RUNX1: variants seen among roughly 807,000 people sequenced by gnomAD.
RUNX1 encodes the protein RUNX family transcription factor 1, also known as runt-related transcription factor 1.
A neutral mutation model predicts 42.8 loss-of-function variants in RUNX1; 19 were observed. The ratio of observed to expected loss-of-function variants is 0.44; its 90% CI spans 0.31 to 0.65. RUNX1 has a LOEUF of 0.65. Ranked by LOEUF, RUNX1 falls within the 30% of genes least tolerant of loss-of-function variation. RUNX1 has a pLI of 0.07. For missense variants in RUNX1, 528 were observed against 672.0 expected (o/e 0.79, Z 2.37); for synonymous variants, 271 against 289.4 (o/e 0.94, Z 0.64).
intron 2 of RUNX1, chr21:35,038,306 C>A: frequency 3.1e-6 from 1 of 320,938 alleles, no homozygotes; most frequent in South Asian, 2.5e-5. Flanking sequence ...TTCCTCCTGG[C>A]CTCCCTATCA....
At chr21:34,836,378 T>A (rs566917505) in intron 6 of RUNX1, among the ~76,000 whole-genome samples, 104 of 152,324 alleles carry the variant, frequency 6.8e-4, no homozygotes, top group African/African-American at 2.4e-3. Context: ...ATGTCTTTTT[T>A]CTAGAGCGCT....
intron 7 of RUNX1, among the ~76,000 whole-genome samples, chr21:34,800,257 C>T (rs1217393785): frequency 2.6e-5 from 4 of 152,256 alleles, no homozygotes; most frequent in Middle Eastern, 3.4e-3. Flanking sequence ...TTGACTCCAG[C>T]GTTCAAAGGA....
intron 2 of RUNX1, among the ~76,000 whole-genome samples, chr21:34,952,354 C>T (rs959660604): frequency 4.6e-5 from 7 of 151,876 alleles, no homozygotes; most frequent in South Asian, 2.1e-4. Context: ...ACATTCTGCA[C>T]ATGTACCCTA....
At chr21:34,923,896 A>ACAGC (rs2058373018) in intron 2 of RUNX1, among the ~76,000 whole-genome samples, 1 of 151,972 alleles carries the variant, frequency 6.6e-6, no homozygotes, top group Non-Finnish European at 1.5e-5. Context: ...TCTCGCGTTA[A>ACAGC]AATCTGAACA....
intron 6 of RUNX1, among the ~76,000 whole-genome samples, chr21:34,841,924 A>G (rs1216740242): frequency 6.6e-6 from 1 of 152,224 alleles, no homozygotes; most frequent in Non-Finnish European, 1.5e-5. Context: ...CTACAAAGAC[A>G]GGGATTTTGT....
At position 34,875,460 on chromosome 21, in the gene RUNX1, A is replaced by G. The variant is rs2057800961; in HGVS notation, c.508+5097T>C. On this transcript the variant is annotated intron_variant, in intron 5 of 8. Coordinates refer to ENST00000675419, the MANE Select transcript of RUNX1 (RefSeq NM_001754.5). Reference sequence around the variant, plus strand: ...GCAATGAGATCTGAATACAGATTTCAGTATATATATTATTTTAAAGTGTAG... The same window carrying G: ...GCAATGAGATCTGAATACAGATTTCGGTATATATATTATTTTAAAGTGTAG... Among the ~76,000 whole-genome samples, 4 of 152,322 alleles carry G rather than the reference A, an allele frequency of 2.6e-5. No homozygotes were observed. The South Asian group carries it at 8.3e-4, about 32-fold the overall frequency.
intron 2 of RUNX1, among the ~76,000 whole-genome samples, chr21:34,909,536 T>C (rs2058254073): frequency 1.4e-5 from 2 of 141,002 alleles, no homozygotes; most frequent in South Asian, 4.3e-4. Context: ...AGCTCACATG[T>C]GGCTACAAAC....
At chr21:34,885,170 C>G (rs868621232) in intron 4 of RUNX1, among the ~76,000 whole-genome samples, 1 of 152,070 alleles carries the variant, frequency 6.6e-6, no homozygotes, top group Non-Finnish European at 1.5e-5. Context: ...ATTTCCCCCC[C>G]AAAAGGAAGC....
At chr21:34,793,025 G>A (rs2056471555) in intron 8 of RUNX1, among the ~76,000 whole-genome samples, 1 of 151,826 alleles carries the variant, frequency 6.6e-6, no homozygotes, top group Admixed American at 6.6e-5. Context: ...AGGAGGACGG[G>A]GGACACCCAG....
At chr21:34,856,514 A>G (rs1440201555) in intron 6 of RUNX1, 4 of 502,448 alleles carry the variant, frequency 8.0e-6, no homozygotes, top group African/African-American at 7.8e-5. Flanking sequence ...AGATGAATGG[A>G]CAGGTAGATA....
intron 5 of RUNX1, 123 bp from the exon 6 acceptor site, chr21:34,859,701 C>A (rs2057544338): frequency 1.2e-6 from 1 of 860,674 alleles, no homozygotes; most frequent in Non-Finnish European, 2.0e-6. Flanking sequence ...TTTGACAACA[C>A]TCCCGGAATT....
chr21:34,903,800 C>T (rs1215148651), intron 2 of RUNX1, among the ~76,000 whole-genome samples: 1 of 152,100 alleles, frequency 6.6e-6, no homozygotes, highest in Non-Finnish European at 1.5e-5. Flanking sequence ...CTATCAATAT[C>T]CTGCTTTCTT....
At chr21:34,999,379 T>A (rs2059022975) in intron 2 of RUNX1, among the ~76,000 whole-genome samples, 1 of 152,150 alleles carries the variant, frequency 6.6e-6, no homozygotes, top group African/African-American at 2.4e-5. Context: ...GTTTTATAGG[T>A]GACAAAACCA....
In RUNX1 at chr21:34,990,319, G is replaced by A. The variant is rs148446077; in HGVS notation, c.58+58523C>T. Among the ~76,000 whole-genome samples, 297 of 152,330 alleles carry A rather than the reference G, an allele frequency of 1.9e-3. 2 individuals carry two copies. The highest frequency in any genetic ancestry group is 6.7e-3 in the African/African-American group (278 of 41,568). ...GTAGGGTCTGGATCCTACAAACCAC[G>A]GAAGACTTGCAGACAAGGCAGTTTC... On this transcript the variant is annotated intron_variant, in intron 2 of 8. Transcript: ENST00000675419.
chr21:34,934,781 G>T (rs1470845088), intron 2 of RUNX1, among the ~76,000 whole-genome samples: 2 of 152,124 alleles, frequency 1.3e-5, no homozygotes, highest in Non-Finnish European at 2.9e-5. Context: ...ATGAAAAGAG[G>T]CCATGAGGGT....
chr21:35,009,198 T>C (rs1246491203), intron 2 of RUNX1, among the ~76,000 whole-genome samples: 1 of 152,224 alleles, frequency 6.6e-6, no homozygotes, highest in Non-Finnish European at 1.5e-5. Flanking sequence ...CAAATGTTGT[T>C]GGTAAAACAA....
chr21:34,813,818 A>G (rs1201540103), intron 7 of RUNX1, among the ~76,000 whole-genome samples: 1 of 152,022 alleles, frequency 6.6e-6, no homozygotes, highest in African/African-American at 2.4e-5. Flanking sequence ...GCAGAAAGCA[A>G]CCTCCGAGAC....
At chr21:34,832,643 CCTT>C (rs2057079776) in intron 7 of RUNX1, among the ~76,000 whole-genome samples, 1 of 152,144 alleles carries the variant, frequency 6.6e-6, no homozygotes, top group African/African-American at 2.4e-5. Flanking sequence ...GAAAGAATCT[CCTT>C]GAGAGTTGTA....
At chr21:34,877,697 G>T (rs1052077707) in intron 5 of RUNX1, among the ~76,000 whole-genome samples, 1 of 152,208 alleles carries the variant, frequency 6.6e-6, no homozygotes, top group Non-Finnish European at 1.5e-5. Flanking sequence ...GAATGAACCC[G>T]AGGTTAGGAG....
Sources: allele counts gnomAD v4.1 joint callset (sites outside exome capture counted in the v4.1 genomes callset), GRCh38; gene constraint gnomAD v4.1.1; transcripts MANE v1.5; gene names NCBI Gene and HGNC (gene_info 2026-07-23, HGNC 2026-07-21).